The following RBBP4 variants were observed in gnomAD, a reference collection of about 807,000 sequenced individuals.
RBBP4 encodes RB binding protein 4, chromatin remodeling factor.
A neutral mutation model predicts 57.2 loss-of-function variants in RBBP4; 3 were observed. That is an observed-to-expected ratio of 0.05 (90% CI 0.02 to 0.14). The LOEUF (loss-of-function observed/expected upper bound fraction) is 0.14. RBBP4 is among the 10% of genes least tolerant of loss of function. The pLI is 1.00. For synonymous variants in RBBP4, 151 were observed against 171.5 expected, an observed-to-expected ratio of 0.88 and a Z score of 0.93; for missense variants, 107 against 520.6, an observed-to-expected ratio of 0.21 and a Z score of 7.73.
At position 32,681,551 on chromosome 1, in the gene RBBP4, C is replaced by G; in HGVS notation, c.*1846C>G. ...CCATACATTCATCCTTCACTCAGTGCATATGTGAGGGTTGTTGCTGGAAGA... is the reference window on the plus strand; with the variant it reads ...CCATACATTCATCCTTCACTCAGTGGATATGTGAGGGTTGTTGCTGGAAGA... On this transcript the variant is annotated 3_prime_UTR_variant, in exon 12 of 12. Coordinates refer to ENST00000373493, the MANE Select transcript of RBBP4 (RefSeq NM_005610.3). 1.9e-6 allele frequency: 1 copy of G among 531,844 alleles called. No individual in the cohort carries two copies. Among genetic ancestry groups the G allele is most frequent in the Non-Finnish European group, 3.4e-6 (1 of 297,446 alleles). 32.9% of individuals were successfully genotyped at this position (531,844 alleles called of 1,614,324 possible). A position where few individuals can be genotyped will look rare whatever the true frequency, so the allele number is the denominator to read the frequency against.
chr1:32,672,351 T>G lies in RBBP4; in HGVS notation c.967-99T>G, dbSNP rs1006206716. 20 of 980,434 alleles carry G rather than the reference T, an allele frequency of 2.0e-5. No individual in the cohort carries two copies. In the African/African-American group the frequency reaches 3.1e-4, roughly 15 times the overall value. 60.7% of individuals were successfully genotyped at this position (980,434 alleles called of 1,614,324 possible). A position where few individuals can be genotyped will look rare whatever the true frequency, so the allele number is the denominator to read the frequency against. ...TATAATACCTTGACTTCCTCTTCCC[T>G]TTTATTTACAAAATTTTTAAATTGT... On this transcript the variant is annotated intron_variant, in intron 8 of 11. Transcript: ENST00000373493.
intron 2 of RBBP4, among the ~76,000 whole-genome samples, chr1:32,656,111 A>G (rs987901334): frequency 6.6e-6 from 1 of 152,230 alleles, no homozygotes; most frequent in Non-Finnish European, 1.5e-5. Context: ...CCATATCAGA[A>G]GTCAGATTTG....
At chr1:32,679,254 G>A (rs547423399) in intron 11 of RBBP4, among the ~76,000 whole-genome samples, 93 of 152,164 alleles carry the variant, frequency 6.1e-4, no homozygotes, top group Non-Finnish European at 1.2e-3. Context: ...CCGAGATGGT[G>A]CCACTGCACT....
rs1649512661 is a variant in RBBP4 at position 32,682,528 on chromosome 1, T to A, written c.*2823T>A. On this transcript the variant is annotated 3_prime_UTR_variant, in exon 12 of 12. Coordinates refer to ENST00000373493, the MANE Select transcript of RBBP4 (RefSeq NM_005610.3). ...TGGTTCACGCCTGTAATCCCAGCAC[T>A]TTGAGAGGCTGAGGCACGTGGATCA... The A allele has an allele frequency of 1.3e-5, 2 of 152,216 alleles. No homozygotes were observed. The highest frequency in any genetic ancestry group is 2.4e-5 in the African/African-American group (1 of 41,448). The allele number at this position is 152,216 out of a possible 1,614,324, so 9.4% of individuals were successfully genotyped here.
rs185586758 is a variant in RBBP4 at position 32,659,890 on chromosome 1, A to G, written c.310+2318A>G. The stretch of plus-strand genomic sequence containing the variant: ...TTGACTTCAAAAGCATAGTTTTGCT[A>G]TAGAAATACTTTCTAAGTAGAATGT... On this transcript the variant is annotated intron_variant, in intron 3 of 11. Transcript: ENST00000373493. Among the ~76,000 whole-genome samples, 103 of 152,316 alleles carry G rather than the reference A, an allele frequency of 6.8e-4. 1 individual carries two copies. Among genetic ancestry groups the G allele is most frequent in the African/African-American group, 2.0e-3 (84 of 41,574 alleles).
intron 2 of RBBP4, among the ~76,000 whole-genome samples, chr1:32,656,101 C>T (rs1241909893): frequency 6.6e-6 from 1 of 152,180 alleles, no homozygotes; most frequent in Non-Finnish European, 1.5e-5. Context: ...CTGTGCTTTC[C>T]CATATCAGAA....
At position 32,679,782 on chromosome 1, in the gene RBBP4, A is replaced by C; in HGVS notation, c.*77A>C. 6.3e-7 allele frequency: 1 copy of C among 1,587,194 alleles called. No homozygotes were observed. The highest frequency in any genetic ancestry group is 8.6e-7 in the Non-Finnish European group (1 of 1,169,424). ...TGAGAGTGATTTAACACTGGTTTTG[A>C]GACAGACTTTATTCAGCTATCCCTC... is the stretch of plus-strand genomic sequence containing the variant. On this transcript the variant is annotated 3_prime_UTR_variant, in exon 12 of 12. Transcript: ENST00000373493.
rs1377504359 is a variant in RBBP4, at chr1:32,683,949, A to G, written c.*4244A>G. On this transcript the variant is annotated 3_prime_UTR_variant, in exon 12 of 12. Transcript: ENST00000373493. ...CGTCCGGCCTGTTTTTAAGGCATTA[A>G]TTAGTATTGTTAGGAAAGCAGTAAC... The G allele has an allele frequency of 1.9e-6, 3 of 1,539,818 alleles. No homozygotes were observed. Among genetic ancestry groups the G allele is most frequent in the African/African-American group, 1.4e-5 (1 of 73,446 alleles).
intron 3 of RBBP4, chr1:32,662,408 C>G (rs1648463085): frequency 1.2e-5 from 2 of 167,252 alleles, no homozygotes; most frequent in Non-Finnish European, 2.6e-5. Flanking sequence ...CAGAATTTCA[C>G]TCTTGTTACC....
At chr1:32,676,899 C>T (rs568480071) in intron 11 of RBBP4, among the ~76,000 whole-genome samples, 3 of 151,976 alleles carry the variant, frequency 2.0e-5, no homozygotes, top group South Asian at 4.2e-4. Context: ...GCTAAGATGG[C>T]GCCACTGCAC....
chr1:32,654,222 A>G (rs928858195), intron 2 of RBBP4, among the ~76,000 whole-genome samples: 12 of 152,010 alleles, frequency 7.9e-5, no homozygotes, highest in African/African-American at 2.4e-4. Flanking sequence ...AAAATTACAA[A>G]TATTATCCGG....
Position 32,651,296 on chromosome 1 carries a change from G to A in RBBP4, c.-11G>A. 1 of 1,478,474 alleles carries A rather than the reference G, an allele frequency of 6.8e-7. No homozygotes were observed. The highest frequency in any genetic ancestry group is 9.0e-7 in the Non-Finnish European group (1 of 1,115,602). 91.6% of individuals were successfully genotyped at this position (1,478,474 alleles called of 1,614,324 possible). Reference sequence around the variant, plus strand: ...CTCGACCCCAGGATTCCCCCGGCTCGCCTGCCCGCCATGGCCGACAAGGAA... The same window carrying A: ...CTCGACCCCAGGATTCCCCCGGCTCACCTGCCCGCCATGGCCGACAAGGAA... On this transcript the variant is annotated 5_prime_UTR_variant, in exon 1 of 12. Coordinates refer to ENST00000373493, the MANE Select transcript of RBBP4 (RefSeq NM_005610.3).
chr1:32,686,145 A>G lies in RBBP4; in HGVS notation c.*6440A>G, dbSNP rs2148547483. The G allele has an allele frequency of 6.6e-6, 1 of 152,366 alleles. No homozygotes were observed. The highest frequency in any genetic ancestry group is 2.4e-5 in the African/African-American group (1 of 41,590). 9.4% of individuals were successfully genotyped at this position (152,366 alleles called of 1,614,324 possible). A position where few individuals can be genotyped will look rare whatever the true frequency, so the allele number is the denominator to read the frequency against. Reference sequence around the variant, plus strand: ...AGCACACAAAATGTAAAATATGTCAAAAATATTTGATACTGATTACATGTT... The same window carrying G: ...AGCACACAAAATGTAAAATATGTCAGAAATATTTGATACTGATTACATGTT... On this transcript the variant is annotated 3_prime_UTR_variant, in exon 12 of 12. Coordinates refer to ENST00000373493, the MANE Select transcript of RBBP4 (RefSeq NM_005610.3).
intron 11 of RBBP4, 59 bp downstream of exon 11, chr1:32,672,960 A>G (rs1186042700): frequency 2.3e-6 from 3 of 1,332,434 alleles, no homozygotes; most frequent in African/African-American, 1.5e-5. Flanking sequence ...GAATCAATTT[A>G]CATTTGTATA....
chr1:32,655,670 G>A (rs1648108748), intron 2 of RBBP4, among the ~76,000 whole-genome samples: 1 of 152,112 alleles, frequency 6.6e-6, no homozygotes, highest in Non-Finnish European at 1.5e-5. Flanking sequence ...GGCTTCCCCA[G>A]TTTGACATGT....
intron 3 of RBBP4, chr1:32,657,817 A>G (rs1021157419): frequency 1.5e-5 from 6 of 392,186 alleles, no homozygotes; most frequent in African/African-American, 6.2e-5. Context: ...GATTTCTGCA[A>G]TTGAAAGAAG....
At chr1:32,661,520 C>T (rs1428548743) in intron 3 of RBBP4, among the ~76,000 whole-genome samples, 1 of 151,914 alleles carries the variant, frequency 6.6e-6, no homozygotes, top group Non-Finnish European at 1.5e-5. Flanking sequence ...TCTCGAACTC[C>T]CAACCTCAGG....
At position 32,669,224 on chromosome 1, in the gene RBBP4, A is replaced by G; in HGVS notation, c.762-7A>G. On this transcript the variant is annotated splice_region_variant and splice_polypyrimidine_tract_variant and intron_variant, in intron 6 of 11. Coordinates refer to ENST00000373493, the MANE Select transcript of RBBP4 (RefSeq NM_005610.3). The surrounding 1 kb of genome is among the most constrained non-coding windows in gnomAD (Gnocchi z 4.9). ...GGTTTTTTTCCTTTGTTTTTTTTTC[A>G]CTGAAGTTGGGATACTCGTTCAAAC... is the stretch of plus-strand genomic sequence containing the variant. 4.4e-6 allele frequency: 7 copies of G among 1,605,922 alleles called. No homozygotes were observed. The highest frequency in any genetic ancestry group is 2.7e-5 in the African/African-American group (2 of 74,124).
Position 32,681,695 on chromosome 1 carries a change from C to A in RBBP4, c.*1990C>A. The A allele has an allele frequency of 8.8e-7, 1 of 1,134,288 alleles. No individual in the cohort carries two copies. The highest frequency in any genetic ancestry group is 1.3e-6 in the Non-Finnish European group (1 of 770,676). The allele number at this position is 1,134,288 out of a possible 1,614,324, so 70.3% of individuals were successfully genotyped here. On this transcript the variant is annotated 3_prime_UTR_variant, in exon 12 of 12. Coordinates refer to ENST00000373493, the MANE Select transcript of RBBP4 (RefSeq NM_005610.3). ...CGGCCAACTCTAGAATCTTTTTAAG[C>A]AGGTCAGCCAGTATTTGCAACTTCC...
Sources: gnomAD v4.1 joint callset for allele counts (sites outside exome capture counted in the v4.1 genomes callset) on GRCh38, gnomAD v4.1.1 for gene constraint, Gnocchi (gnomAD v3.1) non-coding constraint, MANE v1.5 for transcripts, NCBI Gene and HGNC (gene_info 2026-07-23, HGNC 2026-07-21) for gene names.